Variants in COL12A1 observed in about 807,000 individuals in gnomAD.
COL12A1 encodes the protein collagen type XII alpha 1 chain.
Under a neutral mutation model 349.7 loss-of-function variants are expected in COL12A1, and 114 were observed. The ratio of observed to expected loss-of-function variants is 0.33; its 90% CI spans 0.28 to 0.38. COL12A1 has a LOEUF of 0.38. Among genes scored for constraint, COL12A1 ranks in the 10% least tolerant of loss-of-function variants. COL12A1 has a pLI of 1.00. For synonymous variants in COL12A1, 1,369 were observed against 1,329.0 expected (o/e 1.03, Z -0.66); for missense variants, 3,284 against 3,756.9 (o/e 0.87, Z 3.29).
chr6:75,177,600 C>T, intron 12 of COL12A1, 63 bp downstream of exon 12: 1 of 1,591,868 alleles, frequency 6.3e-7, no homozygotes, highest in Admixed American at 1.7e-5. Flanking sequence ...GGATAGTTGT[C>T]CCAATTTTCC....
At chr6:75,142,190 C>CT (rs1311238126) in intron 26 of COL12A1, 29 bp from the exon 27 acceptor site, 3 of 1,613,256 alleles carry the variant, frequency 1.9e-6, no homozygotes, top group Non-Finnish European at 2.5e-6. Context: ...AGTGGAACTA[C>CT]TTTTACAAAG....
chr6:75,091,606 G>C lies in COL12A1; in HGVS notation c.8650-81C>G, dbSNP rs948817517. ...CATGAATAGACATAATGATGAACGA[G>C]AACAAGTTCTGTTTTCTAAAGCATT... On this transcript the variant is annotated intron_variant, in intron 60 of 65. Transcript: ENST00000322507. 2.1e-5 allele frequency: 28 copies of C among 1,349,368 alleles called. No individual in the cohort carries two copies. In the Admixed American group the frequency reaches 5.1e-4, roughly 24 times the overall value. 83.6% of individuals were successfully genotyped at this position (1,349,368 alleles called of 1,614,324 possible).
intron 8 of COL12A1, 38 bp downstream of exon 8, chr6:75,188,324 A>T: frequency 6.4e-7 from 1 of 1,560,976 alleles, no homozygotes; most frequent in Non-Finnish European, 8.6e-7. Context: ...AACAATGGAA[A>T]AGACTAACAC....
intron 2 of COL12A1, among the ~76,000 whole-genome samples, chr6:75,198,354 G>A (rs890915937): frequency 2.6e-5 from 4 of 151,386 alleles, no homozygotes; most frequent in Non-Finnish European, 4.4e-5. Context: ...TAATATATAC[G>A]TATTTTTAAT....
chr6:75,117,526 C>G lies in COL12A1; in HGVS notation c.7375G>C (p.Gly2459Arg), dbSNP rs1769144690. The G allele has an allele frequency of 6.2e-7, 1 of 1,613,354 alleles. No individual in the cohort carries two copies. ...TCATTGTAGTCGACATCAGCCACAC[C>G]AACTACAAAGACACTGAACCCTGCA... Reference protein sequence around the residue: ...QQSGFSVFVVGVADVDYNELA... With the variant: ...QQSGFSVFVVRVADVDYNELA... The change falls in exon 47 of 66, where the codon GGT (glycine) becomes CGT (arginine). Residue 2459 changes from glycine to arginine, a missense_variant. Around this residue, in one of 2 missense-constraint regions of COL12A1, gnomAD observed 683 missense variants for 932.1 expected, o/e 0.73. Transcript: ENST00000322507.
chr6:75,148,343 G>T lies in COL12A1; in HGVS notation c.4287+15C>A. The T allele has an allele frequency of 6.2e-7, 1 of 1,608,526 alleles. No individual in the cohort carries two copies. Among genetic ancestry groups the T allele is most frequent in the Non-Finnish European group, 8.5e-7 (1 of 1,177,182 alleles). On this transcript the variant is annotated intron_variant, in intron 22 of 65. Coordinates refer to ENST00000322507, the MANE Select transcript of COL12A1 (RefSeq NM_004370.6). ...CAACATCAGGAAGAAGTAAGTTATAGGTGTTCCTACTCACTTCTTGACGTT... is the reference window on the plus strand; with the variant it reads ...CAACATCAGGAAGAAGTAAGTTATATGTGTTCCTACTCACTTCTTGACGTT...
chr6:75,202,506 G>A (rs1770583155), intron 2 of COL12A1, among the ~76,000 whole-genome samples: 1 of 152,210 alleles, frequency 6.6e-6, no homozygotes, highest in African/African-American at 2.4e-5. Context: ...AGCACTGTAC[G>A]GAATGCATTA....
chr6:75,140,573 G>T (rs1003580129), intron 27 of COL12A1, among the ~76,000 whole-genome samples: 1 of 149,806 alleles, frequency 6.7e-6, no homozygotes, highest in Admixed American at 6.7e-5. Context: ...GGATAATGGC[G>T]TGAACCTGGG....
At chr6:75,128,127 T>C (rs1408699637) in intron 38 of COL12A1, among the ~76,000 whole-genome samples, 169 bp downstream of exon 38, 1 of 152,196 alleles carries the variant, frequency 6.6e-6, no homozygotes, top group East Asian at 1.9e-4. Context: ...TCCTTTCACA[T>C]GTCATCATTT....
intron 54 of COL12A1, among the ~76,000 whole-genome samples, chr6:75,104,814 G>C (rs1014011559): frequency 6.6e-6 from 1 of 152,116 alleles, no homozygotes; most frequent in African/African-American, 2.4e-5. Context: ...CATGTTCTAG[G>C]TTCTCAACAA....
Position 75,094,036 on chromosome 6 carries a change from C to T in COL12A1, c.8649+1072G>A, listed in dbSNP as rs923326608. 7.2e-5 allele frequency among the ~76,000 whole-genome samples: 11 copies of T among 152,212 alleles called. No homozygotes were observed. In the South Asian group the frequency reaches 1.0e-3, roughly 14 times the overall value. On this transcript the variant is annotated intron_variant, in intron 60 of 65. Transcript: ENST00000322507. Reference sequence around the variant, plus strand: ...TACTAAAGTCACATGCTAGGGTACACGCAGTTTTTAAAGTATTTAGGTTGG... The same window carrying T: ...TACTAAAGTCACATGCTAGGGTACATGCAGTTTTTAAAGTATTTAGGTTGG...
Position 75,154,532 on chromosome 6 carries a change from C to T in COL12A1, c.3449G>A (p.Gly1150Asp). The T allele has an allele frequency of 6.2e-7, 1 of 1,608,562 alleles. No individual in the cohort carries two copies. Among genetic ancestry groups the T allele is most frequent in the Non-Finnish European group, 8.5e-7 (1 of 1,176,638 alleles). ...AAAAACATTTACTTTATAGGTGGTACCAGCCCTAAAATGTTAAAGTATATA... is the reference window on the plus strand; with the variant it reads ...AAAAACATTTACTTTATAGGTGGTATCAGCCCTAAAATGTTAAAGTATATA... ...NTVVLEELRAGTTYKVNVFGM... is the reference protein window; with the variant it reads ...NTVVLEELRADTTYKVNVFGM... Residue 1150 changes from glycine to aspartate, a missense_variant, in exon 17 of 66, where the codon GGT becomes GAT. By Grantham distance (94) the Gly-to-Asp change is moderately conservative. Around this residue, in one of 2 missense-constraint regions of COL12A1, gnomAD observed 2,601 missense variants for 2,824.8 expected, o/e 0.92. Coordinates refer to ENST00000322507, the MANE Select transcript of COL12A1 (RefSeq NM_004370.6).
intron 14 of COL12A1, among the ~76,000 whole-genome samples, chr6:75,158,298 G>C (rs911879332): frequency 2.6e-5 from 4 of 152,072 alleles, no homozygotes; most frequent in African/African-American, 9.7e-5. Flanking sequence ...AGAAAAAAAG[G>C]AGACACCAAA....
Position 75,084,372 on chromosome 6 carries a change from A to G in COL12A1, c.*2175T>C, listed in dbSNP as rs911450455. The G allele has an allele frequency of 2.0e-5, 3 of 152,696 alleles. No homozygotes were observed. The highest frequency in any genetic ancestry group is 7.2e-5 in the African/African-American group (3 of 41,472). The allele number at this position is 152,696 out of a possible 1,614,324, so 9.5% of individuals were successfully genotyped here. On this transcript the variant is annotated 3_prime_UTR_variant, in exon 66 of 66. Transcript: ENST00000322507. ...TGAAAAATGCCTCTTTTGTTTCAGA[A>G]ATAAATAATATAAGGCAGTGAAATT...
At chr6:75,178,846 AAAGG>A (rs1769116126) in intron 11 of COL12A1, among the ~76,000 whole-genome samples, 1 of 152,228 alleles carries the variant, frequency 6.6e-6, no homozygotes, top group Admixed American at 6.5e-5. Context: ...TCTAGAAGAG[AAAGG>A]AAGGAAGTAT....
At position 75,154,540 on chromosome 6, in the gene COL12A1, A is replaced by ATATACTTTTAT. The variant is rs750010541; in HGVS notation, c.3444-4_3444-3insATAAAAGTATA. 6.2e-7 allele frequency: 1 copy of ATATACTTTTAT among 1,607,782 alleles called. No individual in the cohort carries two copies. The highest frequency in any genetic ancestry group is 8.5e-7 in the Non-Finnish European group (1 of 1,176,356). ...TTACTTTATAGGTGGTACCAGCCCT[A>ATATACTTTTAT]AAATGTTAAAGTATATATATAGCCT... On this transcript the variant is annotated splice_region_variant and splice_polypyrimidine_tract_variant and intron_variant, in intron 16 of 65. Coordinates refer to ENST00000322507, the MANE Select transcript of COL12A1 (RefSeq NM_004370.6).
chr6:75,144,794 T>C (rs1451707101), intron 25 of COL12A1, among the ~76,000 whole-genome samples: 5 of 152,192 alleles, frequency 3.3e-5, no homozygotes, highest in Non-Finnish European at 7.3e-5. Flanking sequence ...TGGCATATAA[T>C]AGGGGATCAA....
At chr6:75,117,661 C>A (rs1036671014) in intron 46 of COL12A1, 115 bp from the exon 47 acceptor site, 21 of 1,098,700 alleles carry the variant, frequency 1.9e-5, no homozygotes, top group Non-Finnish European at 2.3e-5. Flanking sequence ...ATGTATGCAG[C>A]AAGTCCTTTT....
Position 75,189,626 on chromosome 6 carries a change from T to C in COL12A1, c.584A>G (p.Asn195Ser). The stretch of plus-strand genomic sequence containing the variant: ...AAGTTCATCCCTTTGGTAGTACTGA[T>C]TTAAGTTAAATTCAGTCCTGGTATC... ...SSDTRTEFNL[N>S]QYYQRDELLA... The change falls in exon 6 of 66, where the codon AAT becomes AGT. Residue 195 changes from asparagine (N) to serine (S), a missense_variant. Physicochemically the swap from Asn to Ser is conservative, Grantham distance 46. Around this residue, in one of 2 missense-constraint regions of COL12A1, gnomAD observed 2,601 missense variants for 2,824.8 expected, o/e 0.92. Coordinates refer to ENST00000322507, the MANE Select transcript of COL12A1 (RefSeq NM_004370.6). 1 of 1,613,404 alleles carries C rather than the reference T, an allele frequency of 6.2e-7. No homozygotes were observed. The highest frequency in any genetic ancestry group is 8.5e-7 in the Non-Finnish European group (1 of 1,179,478).
Sources: gnomAD v4.1 joint callset for allele counts (sites outside exome capture counted in the v4.1 genomes callset) on GRCh38, gnomAD v4.1.1 for gene constraint, gnomAD v4.1.1 regional missense constraint, MANE v1.5 for transcripts, NCBI Gene and HGNC (gene_info 2026-07-23, HGNC 2026-07-21) for gene names.